Variants in VPS52 observed in about 807,000 individuals in gnomAD.
VPS52 encodes VPS52 subunit of GARP complex.
In VPS52, 56 loss-of-function variants were observed where a neutral mutation model predicts 98.7. The observed-to-expected ratio is 0.57, with a 90% CI of 0.46 to 0.71. The LOEUF (loss-of-function observed/expected upper bound fraction) is 0.71, where lower values mean the gene tolerates loss of function less well. VPS52 is among the 30% of genes least tolerant of loss of function. The pLI is 0.00. For missense variants in VPS52, 742 were observed against 925.9 expected (o/e 0.80, Z 2.58); for synonymous variants, 348 against 346.4 (o/e 1.00, Z -0.05).
intron 17 of VPS52, among the ~76,000 whole-genome samples, chr6:33,255,911 G>A (rs1299281921): frequency 6.6e-6 from 1 of 152,028 alleles, no homozygotes; most frequent in Non-Finnish European, 1.5e-5. Context: ...CAAAGTGCTG[G>A]GATTACAGGC....
intron 17 of VPS52, among the ~76,000 whole-genome samples, chr6:33,259,238 C>T (rs115727693): frequency 0.012 from 1,800 of 152,264 alleles, 35 homozygotes; most frequent in African/African-American, 0.04. Flanking sequence ...TAAGCACCTG[C>T]GGTACATCAA....
intron 17 of VPS52, among the ~76,000 whole-genome samples, chr6:33,255,246 C>T (rs1762786967): frequency 6.6e-6 from 1 of 152,042 alleles, no homozygotes; most frequent in Admixed American, 6.6e-5. Context: ...ACAATCTTTC[C>T]TACGTAGTAT....
In VPS52 at chr6:33,256,463, CAAAAAAAAAAAAAAAAAAA is replaced by C. The variant is rs9280385; in HGVS notation, c.1795-4511_1795-4493del. On this transcript the variant is annotated intron_variant, in intron 17 of 19. Transcript: ENST00000445902. ...CTGAGTGACAGAGCAAAACCTGTCT[CAAAAAAAAAAAAAAAAAAA>C]AAAAAAAAAAAAAAAAAAAAAGGAT... Among the ~76,000 whole-genome samples, 26 of 83,744 alleles carry C rather than the reference CAAAAAAAAAAAAAAAAAAA, an allele frequency of 3.1e-4. 1 individual carries two copies. Among genetic ancestry groups the C allele is most frequent in the Non-Finnish European group, 4.8e-4 (21 of 43,372 alleles). 54.9% of individuals were successfully genotyped at this position (83,744 alleles called of 152,430 possible). A position where few individuals can be genotyped will look rare whatever the true frequency, so the allele number is the denominator to read the frequency against.
intron 17 of VPS52, among the ~76,000 whole-genome samples, chr6:33,257,992 G>A (rs576598042): frequency 2.6e-4 from 40 of 152,230 alleles, no homozygotes; most frequent in African/African-American, 7.7e-4. Context: ...TCCAGCTTGG[G>A]TGACAGAGCA....
chr6:33,265,874 GT>G (rs1350762482), intron 12 of VPS52, among the ~76,000 whole-genome samples: 3 of 150,228 alleles, frequency 2.0e-5, no homozygotes, highest in African/African-American at 2.4e-5. Flanking sequence ...TAAGTAACAA[GT>G]TTTTTTTTTG....
rs1450613868 is a variant in VPS52, at chr6:33,268,191, T to G, written c.717A>C (p.Arg239=). 1 of 1,613,064 alleles carries G rather than the reference T, an allele frequency of 6.2e-7. No homozygotes were observed. Among genetic ancestry groups the G allele is most frequent in the Non-Finnish European group, 8.5e-7 (1 of 1,180,022 alleles). Residue 239 remains arginine, a synonymous_variant, in exon 8 of 20, where the codon CGA becomes CGC. Transcript: ENST00000445902. This position sits in a 1 kb window ranked among gnomAD's most constrained non-coding sequence, Gnocchi z 4.0. ...RLRVKAVTKI[R]EFILQKIYSF... is the part of the protein sequence containing the mutation. Reference sequence around the variant, plus strand: ...AATAAATCTTCTGGAGGATAAACTCTCGGATCTTCGTCACTGCCTAGATGT... The same window carrying G: ...AATAAATCTTCTGGAGGATAAACTCGCGGATCTTCGTCACTGCCTAGATGT...
chr6:33,255,798 A>G (rs1762875575), intron 17 of VPS52, among the ~76,000 whole-genome samples: 1 of 150,458 alleles, frequency 6.6e-6, no homozygotes, highest in Non-Finnish European at 1.5e-5. Context: ...TCTGTCTAAA[A>G]AAAAAAAAAA....
chr6:33,270,013 C>T lies in VPS52; in HGVS notation c.214G>A (p.Glu72Lys), dbSNP rs1764811990. 6.2e-7 allele frequency: 1 copy of T among 1,614,138 alleles called. No homozygotes were observed. Among genetic ancestry groups the T allele is most frequent in the Non-Finnish European group, 8.5e-7 (1 of 1,180,032 alleles). ...QANLEDELVK[E>K]ALKTGVDLRH... ...GAAAGCCTCACCGTTTTAAGAGCTTCCTTTACTAACTCATCCTCCAGATTT... is the reference window on the plus strand; with the variant it reads ...GAAAGCCTCACCGTTTTAAGAGCTTTCTTTACTAACTCATCCTCCAGATTT... The change falls in exon 3 of 20, where the codon GAA (glutamate) becomes AAA (lysine). Residue 72 changes from glutamate to lysine, a missense_variant. Transcript: ENST00000445902.
At chr6:33,266,811 A>G (rs1340112433) in intron 11 of VPS52, 99 bp from the exon 12 acceptor site, 5 of 1,446,212 alleles carry the variant, frequency 3.5e-6, no homozygotes, top group Middle Eastern at 2.5e-4. Flanking sequence ...GAGTAATAAG[A>G]GCTAGGCAGA....
In VPS52 at chr6:33,271,593, C is replaced by G. The variant is rs1765093841; in HGVS notation, c.83G>C (p.Gly28Ala). Reference protein sequence around the residue: ...AGTSDMEEEEGPLAGGPGLQE... With the variant: ...AGTSDMEEEEAPLAGGPGLQE... ...ACAGCTCCGCGCTCTCACCAGCGGGCCCTCTTCCTCCTCCATATCTGAGGT... is the reference window on the plus strand; with the variant it reads ...ACAGCTCCGCGCTCTCACCAGCGGGGCCTCTTCCTCCTCCATATCTGAGGT... The change falls in exon 1 of 20, where the codon GGC (glycine) becomes GCC (alanine). Residue 28 changes from glycine to alanine, a missense_variant. Around this residue, in one of 2 missense-constraint regions of VPS52, gnomAD observed 152 missense variants for 132.6 expected, o/e 1.15. Coordinates refer to ENST00000445902, the MANE Select transcript of VPS52 (RefSeq NM_022553.6). 1 of 1,607,088 alleles carries G rather than the reference C, an allele frequency of 6.2e-7. No homozygotes were observed.
chr6:33,271,439 T>G, intron 1 of VPS52, 147 bp downstream of exon 1: 1 of 1,191,610 alleles, frequency 8.4e-7, no homozygotes, highest in Non-Finnish European at 1.2e-6. Context: ...CAGGGTCGGG[T>G]CTGATCACAG....
chr6:33,250,954 G>A lies in VPS52; in HGVS notation c.2059C>T (p.Arg687Cys), dbSNP rs748804728. ...ALTQLIQLYH[R>C]FHRVLSQPQL... ...GGCTGGGACAGCACCCGGTGGAAGC[G>A]ATGATAGAGCTGGATCAGCTGGGTC... The change falls in exon 20 of 20, where the codon CGC (arginine) becomes TGC (cysteine). Residue 687 changes from arginine to cysteine, a missense_variant. Physicochemically the swap from Arg to Cys is radical, Grantham distance 180. Around this residue, in one of 2 missense-constraint regions of VPS52, gnomAD observed 590 missense variants for 793.3 expected, o/e 0.74. Coordinates refer to ENST00000445902, the MANE Select transcript of VPS52 (RefSeq NM_022553.6). 1.5e-5 allele frequency: 24 copies of A among 1,613,048 alleles called. No homozygotes were observed. The highest frequency in any genetic ancestry group is 1.9e-5 in the Non-Finnish European group (22 of 1,180,026).
At chr6:33,270,661 G>A (rs1764915686) in intron 1 of VPS52, among the ~76,000 whole-genome samples, 2 of 152,126 alleles carry the variant, frequency 1.3e-5, no homozygotes, top group South Asian at 4.1e-4. Flanking sequence ...ACAAGACAGT[G>A]CAGTGGAGGC....
chr6:33,271,657 T>A lies in VPS52; in HGVS notation c.19A>T (p.Met7Leu). MAAAAT[M>L]AAAARELVLR... ...ACCAGTTCCCGGGCCGCAGCCGCCATGGTCGCAGCGGCGGCCATTCCCCGC... is the reference window on the plus strand; with the variant it reads ...ACCAGTTCCCGGGCCGCAGCCGCCAAGGTCGCAGCGGCGGCCATTCCCCGC... Residue 7 changes from methionine (M) to leucine (L), a missense_variant, in exon 1 of 20, where the codon ATG becomes TTG. Met to Leu is a conservative substitution (Grantham distance 15). Around this residue, in one of 2 missense-constraint regions of VPS52, gnomAD observed 152 missense variants for 132.6 expected, o/e 1.15. Coordinates refer to ENST00000445902, the MANE Select transcript of VPS52 (RefSeq NM_022553.6). 4 of 1,609,990 alleles carry A rather than the reference T, an allele frequency of 2.5e-6. No individual in the cohort carries two copies. The highest frequency in any genetic ancestry group is 3.4e-6 in the Non-Finnish European group (4 of 1,177,722).
In VPS52 at chr6:33,268,706, C is replaced by A; in HGVS notation, c.549-57G>T. On this transcript the variant is annotated intron_variant, in intron 6 of 19. Transcript: ENST00000445902. The surrounding 1 kb of genome is among the most constrained non-coding windows in gnomAD (Gnocchi z 4.0). ...AAGGGAGACCCAGACATCCCTAAAC[C>A]AGACCCAGACCACACTCCTTACCTC... 1 of 1,531,964 alleles carries A rather than the reference C, an allele frequency of 6.5e-7. No homozygotes were observed. 94.9% of individuals were successfully genotyped at this position (1,531,964 alleles called of 1,614,324 possible). A position where few individuals can be genotyped will look rare whatever the true frequency, so the allele number is the denominator to read the frequency against.
At chr6:33,270,739 A>C (rs554166512) in intron 1 of VPS52, among the ~76,000 whole-genome samples, 1 of 152,328 alleles carries the variant, frequency 6.6e-6, no homozygotes, top group South Asian at 2.1e-4. Context: ...TCACGAGGTC[A>C]GGAGATCGAG....
At chr6:33,264,158 C>G in intron 14 of VPS52, 55 bp from the exon 15 acceptor site, 2 of 1,599,948 alleles carry the variant, frequency 1.3e-6, no homozygotes, top group Non-Finnish European at 1.7e-6. Flanking sequence ...ACCAACACAA[C>G]CTCCCAACTT....
At chr6:33,253,913 A>G (rs1185261858) in intron 17 of VPS52, among the ~76,000 whole-genome samples, 1 of 152,156 alleles carries the variant, frequency 6.6e-6, no homozygotes, top group Non-Finnish European at 1.5e-5. Context: ...GTGAACTGCT[A>G]TACACCGAAT....
chr6:33,253,561 A>G (rs1224591800), intron 17 of VPS52, among the ~76,000 whole-genome samples: 6 of 151,990 alleles, frequency 3.9e-5, no homozygotes, highest in Admixed American at 2.0e-4. Context: ...TAGATAAGAT[A>G]ATTTTTTTAA....
Sources: gnomAD v4.1 joint callset for allele counts (sites outside exome capture counted in the v4.1 genomes callset) on GRCh38, gnomAD v4.1.1 for gene constraint, gnomAD v4.1.1 regional missense constraint, Gnocchi (gnomAD v3.1) non-coding constraint, MANE v1.5 for transcripts, NCBI Gene and HGNC (gene_info 2026-07-23, HGNC 2026-07-21) for gene names.